TANK: variants seen among roughly 807,000 people sequenced by gnomAD.
The protein encoded by TANK is TRAF family member associated NFKB activator, also known as TRAF family member-associated NF-kappa-B activator.
Under a neutral mutation model 43.6 loss-of-function variants are expected in TANK, and 15 were observed. The ratio of observed to expected loss-of-function variants is 0.34; its 90% CI spans 0.23 to 0.53. The LOEUF is 0.53. TANK is among the 20% of genes least tolerant of loss of function. The probability of loss-of-function intolerance (pLI) is 0.94; values close to 1 mark genes in which losing one functional copy is unlikely to be tolerated. For synonymous variants in TANK, 162 were observed against 178.2 expected, an observed-to-expected ratio of 0.91 and a Z score of 0.73; for missense variants, 417 against 498.6, an observed-to-expected ratio of 0.84 and a Z score of 1.56.
rs770265141 is a variant in TANK, at chr2:161,224,639, T to C, written c.413T>C (p.Ile138Thr). The change falls in exon 6 of 8, where the codon ATA (isoleucine) becomes ACA (threonine). Residue 138 changes from isoleucine (I) to threonine (T), a missense_variant. Transcript: ENST00000392749. ...TTGATTTTTTTTTTTAGGGGTAATA[T>C]AGAGAAGACTTTCTGGGATCTGAAA... ...GSPLLHERGN[I>T]EKTFWDLKEE... 4 of 1,546,914 alleles carry C rather than the reference T, an allele frequency of 2.6e-6. No homozygotes were observed. Among genetic ancestry groups the C allele is most frequent in the Admixed American group, 3.7e-5 (2 of 53,648 alleles).
chr2:161,160,405 A>G, upstream of TANK: 3 of 1,241,256 alleles, frequency 2.4e-6, no homozygotes, highest in South Asian at 1.1e-4. Flanking sequence ...AACTGGAACA[A>G]AATGCAACTT....
At chr2:161,204,628 A>G in intron 3 of TANK, 47 bp from the exon 4 acceptor site, 1 of 1,558,808 alleles carries the variant, frequency 6.4e-7, no homozygotes, top group Non-Finnish European at 8.6e-7. Context: ...AGGTGGTACC[A>G]AAAATAAGGG....
chr2:161,228,166 C>T (rs1206372146), intron 6 of TANK, among the ~76,000 whole-genome samples: 2 of 152,106 alleles, frequency 1.3e-5, no homozygotes, highest in African/African-American at 4.8e-5. Flanking sequence ...CAGTCATGTG[C>T]CAAATGACAT....
intron 6 of TANK, among the ~76,000 whole-genome samples, chr2:161,226,100 CTT>C (rs910441845): frequency 4.6e-5 from 7 of 152,060 alleles, no homozygotes; most frequent in Non-Finnish European, 7.4e-5. Flanking sequence ...CATAAACATG[CTT>C]TTTTGAACAT....
chr2:161,186,231 G>C (rs967879000), intron 2 of TANK, among the ~76,000 whole-genome samples: 1 of 152,198 alleles, frequency 6.6e-6, no homozygotes, highest in Non-Finnish European at 1.5e-5. Flanking sequence ...GCCTACTAAG[G>C]CAGAGCCTAA....
chr2:161,212,766 C>T (rs1686948269), intron 4 of TANK: 1 of 985,146 alleles, frequency 1.0e-6, no homozygotes, highest in African/African-American at 1.7e-5. Context: ...TTTCTCTTGG[C>T]CAAGGAATGA....
intron 1 of TANK, among the ~76,000 whole-genome samples, chr2:161,147,806 A>G (rs920261795): frequency 2.0e-5 from 3 of 152,076 alleles, no homozygotes; most frequent in African/African-American, 7.3e-5. Flanking sequence ...TACTTAGCAC[A>G]ATGGTTTTGA....
chr2:161,218,794 G>T (rs1432955093), intron 4 of TANK, among the ~76,000 whole-genome samples: 1 of 152,146 alleles, frequency 6.6e-6, no homozygotes, highest in Non-Finnish European at 1.5e-5. Context: ...GTAGTTAAAG[G>T]ATTTTTCCAA....
intron 1 of TANK, among the ~76,000 whole-genome samples, chr2:161,175,432 G>A (rs1276582161): frequency 6.6e-6 from 1 of 152,138 alleles, no homozygotes; most frequent in Non-Finnish European, 1.5e-5. Context: ...AAGAATTGGT[G>A]AAAATACTTT....
In TANK at chr2:161,137,149, C is replaced by T. The variant is rs1184654219; in HGVS notation, c.-50+86C>T. On this transcript the variant is annotated intron_variant, in intron 1 of 7. Transcript: ENST00000259075. ...AAACTGAAGTGTTGCAGATGTGTTA[C>T]CCTCTTACTCTTGCTATGTGAGTAA... 3.0e-6 allele frequency: 3 copies of T among 985,250 alleles called. No homozygotes were observed. The African/African-American group carries it at 5.2e-5, about 17-fold the overall frequency. The allele number at this position is 985,250 out of a possible 1,614,324, so 61.0% of individuals were successfully genotyped here. A position where few individuals can be genotyped will look rare whatever the true frequency, so the allele number is the denominator to read the frequency against.
At chr2:161,206,351 C>T (rs990817081) in intron 4 of TANK, among the ~76,000 whole-genome samples, 1 of 152,034 alleles carries the variant, frequency 6.6e-6, no homozygotes, top group Non-Finnish European at 1.5e-5. Flanking sequence ...AATAAGGTTT[C>T]TTAACATCAA....
At chr2:161,170,901 A>G (rs1024237760) in intron 1 of TANK, among the ~76,000 whole-genome samples, 2 of 152,232 alleles carry the variant, frequency 1.3e-5, no homozygotes, top group African/African-American at 4.8e-5. Flanking sequence ...AATTTAGAGT[A>G]TCTGATCTAA....
At chr2:161,218,458 G>A (rs904616511) in intron 4 of TANK, among the ~76,000 whole-genome samples, 8 of 152,058 alleles carry the variant, frequency 5.3e-5, no homozygotes, top group South Asian at 2.1e-4. Context: ...CAGCTACTCC[G>A]CCTGCCAAAC....
At chr2:161,149,547 G>A (rs1684013512) in intron 1 of TANK, among the ~76,000 whole-genome samples, 1 of 152,166 alleles carries the variant, frequency 6.6e-6, no homozygotes, top group African/African-American at 2.4e-5. Flanking sequence ...GAAAGAAAGT[G>A]TCCTTGTCTT....
intron 4 of TANK, chr2:161,207,696 CTTAG>C: frequency 2.0e-6 from 2 of 985,216 alleles, no homozygotes; most frequent in African/African-American, 1.7e-5. Flanking sequence ...TTGATCTATA[CTTAG>C]TGAGTTATAA....
In TANK at chr2:161,202,821, C is replaced by T. The variant is rs1351261874; in HGVS notation, c.100-666C>T. 1.8e-5 allele frequency: 8 copies of T among 456,496 alleles called. 1 individual carries two copies. Among genetic ancestry groups the T allele is most frequent in the Non-Finnish European group, 1.3e-5 (3 of 222,306 alleles). The allele number at this position is 456,496 out of a possible 1,614,324, so 28.3% of individuals were successfully genotyped here. A position where few individuals can be genotyped will look rare whatever the true frequency, so the allele number is the denominator to read the frequency against. ...GAATGTTTGCAGCATCTGTATTCCTCAGTACAAACTTGTGTCTTTTTTCAT... is the reference window on the plus strand; with the variant it reads ...GAATGTTTGCAGCATCTGTATTCCTTAGTACAAACTTGTGTCTTTTTTCAT... On this transcript the variant is annotated intron_variant, in intron 2 of 7. Coordinates refer to ENST00000392749, the MANE Select transcript of TANK (RefSeq NM_001199135.3).
chr2:161,200,660 A>C (rs902748293), intron 2 of TANK: 1 of 583,660 alleles, frequency 1.7e-6, no homozygotes, highest in Non-Finnish European at 2.2e-6. Context: ...GTTTTCTCAA[A>C]CTTAGTTTCC....
At chr2:161,173,614 C>T (rs1685050847) in intron 1 of TANK, among the ~76,000 whole-genome samples, 1 of 151,986 alleles carries the variant, frequency 6.6e-6, no homozygotes. Context: ...CTACACAGAC[C>T]TCTGTGAAGA....
At chr2:161,161,086 G>T in intron 1 of TANK, 1 of 916,944 alleles carries the variant, frequency 1.1e-6, no homozygotes. Context: ...CCCGCCCACA[G>T]TGGGAACCCA....
Sources: allele counts gnomAD v4.1 joint callset (sites outside exome capture counted in the v4.1 genomes callset), GRCh38; gene constraint gnomAD v4.1.1; transcripts MANE v1.5; gene names NCBI Gene and HGNC (gene_info 2026-07-23, HGNC 2026-07-21).